The following ATRNL1 variants were observed in gnomAD, a reference collection of about 807,000 sequenced individuals.
The protein encoded by ATRNL1 is attractin-like protein 1.
A neutral mutation model predicts 182.7 loss-of-function variants in ATRNL1; 95 were observed. The observed-to-expected ratio is 0.52, with a 90% CI of 0.44 to 0.62. ATRNL1 has a LOEUF of 0.62. Ranked by LOEUF, ATRNL1 falls within the 20% of genes least tolerant of loss-of-function variation. The pLI is 0.00. For missense variants in ATRNL1, 1,471 were observed against 1,679.5 expected, an observed-to-expected ratio of 0.88 and a Z score of 2.17; for synonymous variants, 576 against 568.3, an observed-to-expected ratio of 1.01 and a Z score of -0.19.
chr10:115,132,052 G>T (rs1051519585), intron 5 of ATRNL1, among the ~76,000 whole-genome samples: 5 of 151,932 alleles, frequency 3.3e-5, no homozygotes, highest in South Asian at 2.1e-4. Context: ...CTTACATTAG[G>T]TGTATCTCCT....
At chr10:115,665,289 A>G (rs1324860198) in intron 26 of ATRNL1, among the ~76,000 whole-genome samples, 4 of 152,158 alleles carry the variant, frequency 2.6e-5, no homozygotes, top group African/African-American at 9.6e-5. Flanking sequence ...TTTAAAGATC[A>G]CTAATACAAA....
chr10:115,940,816 G>A (rs577045723), intron 28 of ATRNL1, among the ~76,000 whole-genome samples: 10 of 152,060 alleles, frequency 6.6e-5, no homozygotes, highest in African/African-American at 2.2e-4. Context: ...GAAAGAGAAC[G>A]TAGCAACTTC....
intron 26 of ATRNL1, among the ~76,000 whole-genome samples, chr10:115,589,005 A>G (rs1041951942): frequency 6.6e-6 from 1 of 152,200 alleles, no homozygotes. Flanking sequence ...AGTTATGACT[A>G]ACATTCCAGC....
At chr10:115,407,642 A>C (rs1253038961) in intron 20 of ATRNL1, among the ~76,000 whole-genome samples, 2 of 152,164 alleles carry the variant, frequency 1.3e-5, no homozygotes, top group African/African-American at 4.8e-5. Context: ...ATGTACACTT[A>C]GGTTGATTAC....
At chr10:115,300,856 A>G (rs1554924270) in intron 16 of ATRNL1, among the ~76,000 whole-genome samples, 1 of 152,118 alleles carries the variant, frequency 6.6e-6, no homozygotes, top group African/African-American at 2.4e-5. Context: ...ATTTTGCAAA[A>G]CTAAAAATCT....
At chr10:115,575,711 T>G (rs1466296182) in intron 26 of ATRNL1, among the ~76,000 whole-genome samples, 1 of 152,120 alleles carries the variant, frequency 6.6e-6, no homozygotes, top group Non-Finnish European at 1.5e-5. Context: ...ATATACATAG[T>G]GAAATGATTA....
intron 21 of ATRNL1, among the ~76,000 whole-genome samples, chr10:115,435,885 A>T (rs1177360893): frequency 6.6e-6 from 1 of 152,152 alleles, no homozygotes; most frequent in Non-Finnish European, 1.5e-5. Flanking sequence ...GTTTTATTGG[A>T]TCTCCATACT....
At chr10:115,634,681 A>T (rs559215674) in intron 26 of ATRNL1, among the ~76,000 whole-genome samples, 1 of 152,256 alleles carries the variant, frequency 6.6e-6, no homozygotes. Context: ...GCTTAATCTA[A>T]AATATTTAAA....
chr10:115,565,923 C>G (rs1237933630), intron 26 of ATRNL1, among the ~76,000 whole-genome samples: 2 of 152,022 alleles, frequency 1.3e-5, no homozygotes, highest in Non-Finnish European at 2.9e-5. Context: ...CAGTCTATTT[C>G]TCTAAAATTG....
At chr10:115,174,386 G>A (rs1847413352) in intron 8 of ATRNL1, among the ~76,000 whole-genome samples, 1 of 151,670 alleles carries the variant, frequency 6.6e-6, no homozygotes, top group African/African-American at 2.4e-5. Flanking sequence ...ATTTTAAAAT[G>A]AGTACTTAAC....
intron 6 of ATRNL1, among the ~76,000 whole-genome samples, chr10:115,163,659 C>A (rs1846907183): frequency 6.6e-6 from 1 of 152,128 alleles, no homozygotes; most frequent in Non-Finnish European, 1.5e-5. Context: ...AGCTACCGTG[C>A]CTGGCCTGGA....
intron 20 of ATRNL1, among the ~76,000 whole-genome samples, chr10:115,405,629 T>C (rs1466907386): frequency 1.3e-5 from 2 of 152,234 alleles, no homozygotes; most frequent in African/African-American, 4.8e-5. Context: ...AATGTGATCC[T>C]ATTCAATGTT....
At chr10:115,096,877 A>G (rs1554863281) in intron 1 of ATRNL1, 2 of 999,778 alleles carry the variant, frequency 2.0e-6, no homozygotes, top group Admixed American at 9.4e-5. Flanking sequence ...ACCCAAAGCT[A>G]GACTAAAGGA....
intron 26 of ATRNL1, among the ~76,000 whole-genome samples, chr10:115,621,276 T>TATATATATATATATATATATAGAGAG (rs1268020830): frequency 4.2e-5 from 2 of 47,592 alleles, no homozygotes; most frequent in African/African-American, 1.5e-4. Flanking sequence ...TATATATATA[T>TATATATATATATATATATATAGAGAG]AGAGAGAGAG....
At chr10:115,367,633 TC>T (rs1422905076) in intron 19 of ATRNL1, among the ~76,000 whole-genome samples, 1 of 149,488 alleles carries the variant, frequency 6.7e-6, no homozygotes, top group Non-Finnish European at 1.5e-5. Flanking sequence ...TTCTGTTTTT[TC>T]CCCATCTTTG....
chr10:115,796,476 A>G (rs1949656588), intron 27 of ATRNL1, among the ~76,000 whole-genome samples: 1 of 152,114 alleles, frequency 6.6e-6, no homozygotes, highest in South Asian at 2.1e-4. Context: ...AACTTAACAC[A>G]TCTTTCTCAC....
At chr10:115,153,138 T>C (rs544927029) in intron 5 of ATRNL1, among the ~76,000 whole-genome samples, 90 of 152,328 alleles carry the variant, frequency 5.9e-4, no homozygotes, top group Middle Eastern at 6.8e-3. Context: ...ATTGAGGATT[T>C]TTGCATTGAT....
At chr10:115,607,880 G>A (rs545848776) in intron 26 of ATRNL1, among the ~76,000 whole-genome samples, 3 of 151,660 alleles carry the variant, frequency 2.0e-5, no homozygotes, top group Non-Finnish European at 3.0e-5. Context: ...TTCCTTCTTC[G>A]TATATGGAAA....
chr10:115,102,860 A>G (rs1554864938), intron 1 of ATRNL1, among the ~76,000 whole-genome samples: 1 of 152,050 alleles, frequency 6.6e-6, no homozygotes, highest in Non-Finnish European at 1.5e-5. Flanking sequence ...TCTTGCTGGG[A>G]TTTTTATTGA....
Sources: gnomAD v4.1 joint callset for allele counts (sites outside exome capture counted in the v4.1 genomes callset) on GRCh38, gnomAD v4.1.1 for gene constraint, MANE v1.5 for transcripts, NCBI Gene and HGNC (gene_info 2026-07-23, HGNC 2026-07-21) for gene names.